Variants in GALNTL6 observed in about 807,000 individuals in gnomAD.
The protein encoded by GALNTL6 is polypeptide N-acetylgalactosaminyltransferase like 6.
GALNTL6 carries 46 observed loss-of-function variants against 73.7 expected under a neutral mutation model. The observed-to-expected ratio is 0.62, with a 90% CI of 0.49 to 0.80. The LOEUF is 0.80. GALNTL6 is among the 30% of genes least tolerant of loss of function. The pLI, the probability that GALNTL6 is intolerant of heterozygous loss-of-function variation, is 0.00. For missense variants in GALNTL6, 604 were observed against 755.0 expected, an observed-to-expected ratio of 0.80 and a Z score of 2.34; for synonymous variants, 259 against 263.7, an observed-to-expected ratio of 0.98 and a Z score of 0.17.
chr4:172,273,048 TA>T (rs1297564399), intron 3 of GALNTL6, among the ~76,000 whole-genome samples: 1 of 114,760 alleles, frequency 8.7e-6, no homozygotes, highest in East Asian at 2.5e-4. Flanking sequence ...ATTCTTTATT[TA>T]AAAAATGAAT....
intron 5 of GALNTL6, among the ~76,000 whole-genome samples, chr4:172,600,348 TATC>T (rs2111022051): frequency 6.6e-6 from 1 of 152,244 alleles, no homozygotes; most frequent in South Asian, 2.1e-4. Context: ...GAGTAAGGCC[TATC>T]ATCCTTCTCT....
intron 12 of GALNTL6, among the ~76,000 whole-genome samples, chr4:173,034,605 G>C (rs1162573249): frequency 3.3e-5 from 5 of 152,170 alleles, no homozygotes; most frequent in Non-Finnish European, 7.3e-5. Flanking sequence ...CTCTGGGTGG[G>C]AAGGTCTGAG....
chr4:172,369,329 C>T (rs1742695418), intron 5 of GALNTL6, among the ~76,000 whole-genome samples: 1 of 152,224 alleles, frequency 6.6e-6, no homozygotes, highest in African/African-American at 2.4e-5. Flanking sequence ...TAGCTAGACA[C>T]AGAGTGCTGA....
chr4:171,970,046 C>T (rs970881542), intron 2 of GALNTL6, among the ~76,000 whole-genome samples: 2 of 152,222 alleles, frequency 1.3e-5, no homozygotes, highest in African/African-American at 4.8e-5. Context: ...GCTGGAATTA[C>T]AGGTGTGAGC....
chr4:172,792,918 G>GT (rs1449700061), intron 5 of GALNTL6, among the ~76,000 whole-genome samples: 1 of 151,234 alleles, frequency 6.6e-6, no homozygotes, highest in African/African-American at 2.4e-5. Flanking sequence ...TCAGAATTTT[G>GT]TATGTCTCTA....
chr4:171,891,989 T>C (rs1736775393), intron 2 of GALNTL6, among the ~76,000 whole-genome samples: 1 of 152,184 alleles, frequency 6.6e-6, no homozygotes, highest in South Asian at 2.1e-4. Flanking sequence ...CAAAACTTTA[T>C]AAGTATCAAC....
intron 5 of GALNTL6, among the ~76,000 whole-genome samples, chr4:172,364,418 TA>T (rs1286847984): frequency 6.6e-6 from 1 of 152,028 alleles, no homozygotes; most frequent in East Asian, 1.9e-4. Flanking sequence ...ACCCTGTCTC[TA>T]AAACAAACAA....
At position 172,626,847 on chromosome 4, in the gene GALNTL6, T is replaced by C. The variant is rs76726085; in HGVS notation, c.554-182514T>C. ...CTAATTTTTATAAATTTATTTTGTA[T>C]CTTGAAACTTTATTGAAATCATTTT... On this transcript the variant is annotated intron_variant, in intron 5 of 12. Coordinates refer to ENST00000506823, the MANE Select transcript of GALNTL6 (RefSeq NM_001034845.3). Among the ~76,000 whole-genome samples, 513 of 152,280 alleles carry C rather than the reference T, an allele frequency of 3.4e-3. 3 individuals carry two copies. The highest frequency in any genetic ancestry group is 0.011 in the African/African-American group (477 of 41,576).
At chr4:172,345,159 A>G (rs1258068282) in intron 4 of GALNTL6, among the ~76,000 whole-genome samples, 1 of 151,826 alleles carries the variant, frequency 6.6e-6, no homozygotes, top group African/African-American at 2.4e-5. Context: ...AGGGTAAATA[A>G]CTTGCCCATT....
At chr4:172,627,462 G>C (rs894618156) in intron 5 of GALNTL6, among the ~76,000 whole-genome samples, 1 of 151,112 alleles carries the variant, frequency 6.6e-6, no homozygotes, top group Non-Finnish European at 1.5e-5. Flanking sequence ...ATTTTTCATA[G>C]TATCTTTGCC....
At chr4:172,348,011 A>G (rs1741810002) in intron 4 of GALNTL6, among the ~76,000 whole-genome samples, 1 of 152,112 alleles carries the variant, frequency 6.6e-6, no homozygotes, top group Non-Finnish European at 1.5e-5. Flanking sequence ...TTTAAATTGA[A>G]TTTTAATTTA....
At chr4:173,018,169 A>G (rs575564478) in intron 11 of GALNTL6, among the ~76,000 whole-genome samples, 2 of 152,364 alleles carry the variant, frequency 1.3e-5, no homozygotes, top group Admixed American at 1.3e-4. Flanking sequence ...GAAATGTGCT[A>G]TTTAAATAAA....
intron 2 of GALNTL6, among the ~76,000 whole-genome samples, chr4:171,897,069 T>C (rs914608798): frequency 2.6e-5 from 4 of 152,030 alleles, no homozygotes; most frequent in Admixed American, 2.6e-4. Context: ...ACAGACCTCA[T>C]TTTTATCTAA....
chr4:172,952,405 G>C (rs1749498314), intron 10 of GALNTL6, 147 bp downstream of exon 10: 1 of 610,512 alleles, frequency 1.6e-6, no homozygotes, highest in Non-Finnish European at 2.9e-6. Flanking sequence ...ATACATGAAT[G>C]TTCAACCTCT....
chr4:172,408,965 C>CTA (rs1237828851), intron 5 of GALNTL6, among the ~76,000 whole-genome samples: 1 of 152,012 alleles, frequency 6.6e-6, no homozygotes, highest in East Asian at 1.9e-4. Flanking sequence ...AAATCACTTA[C>CTA]TATACACTGT....
intron 5 of GALNTL6, among the ~76,000 whole-genome samples, chr4:172,577,907 C>T (rs1231597039): frequency 8.5e-5 from 13 of 152,160 alleles, no homozygotes. Flanking sequence ...AATATGGATA[C>T]GTGAGCTGAG....
intron 5 of GALNTL6, among the ~76,000 whole-genome samples, chr4:172,725,557 G>T (rs1735745670): frequency 6.6e-6 from 1 of 152,140 alleles, no homozygotes; most frequent in Non-Finnish European, 1.5e-5. Flanking sequence ...TTCCTAATTA[G>T]GCCAAAACGT....
intron 5 of GALNTL6, among the ~76,000 whole-genome samples, chr4:172,367,189 A>T (rs1377777218): frequency 6.6e-6 from 1 of 152,126 alleles, no homozygotes; most frequent in Admixed American, 6.5e-5. Flanking sequence ...TCACATAGGC[A>T]TCACGCGTTT....
chr4:172,294,450 T>C (rs1324209431), intron 3 of GALNTL6, among the ~76,000 whole-genome samples: 2 of 152,172 alleles, frequency 1.3e-5, no homozygotes, highest in African/African-American at 4.8e-5. Context: ...GAGACACATT[T>C]GGCAGTTGTG....
Sources: gnomAD v4.1 joint callset for allele counts (sites outside exome capture counted in the v4.1 genomes callset) on GRCh38, gnomAD v4.1.1 for gene constraint, MANE v1.5 for transcripts, NCBI Gene and HGNC (gene_info 2026-07-23, HGNC 2026-07-21) for gene names.